The following GPR143 variants were observed in gnomAD, a reference collection of about 807,000 sequenced individuals.
GPR143 encodes G protein-coupled receptor 143, also known as G-protein coupled receptor 143.
Under a neutral mutation model 27.6 loss-of-function variants are expected in GPR143, and 8 were observed. The observed-to-expected ratio is 0.29, with a 90% confidence interval of 0.17 to 0.52. The LOEUF (loss-of-function observed/expected upper bound fraction) is 0.52, where lower values mean the gene tolerates loss of function less well. Among genes scored for constraint, GPR143 ranks in the 20% least tolerant of loss-of-function variants. The pLI is 0.96. For synonymous variants in GPR143, 156 were observed against 153.2 expected (o/e 1.02, Z -0.13); for missense variants, 303 against 343.1 (o/e 0.88, Z 0.92).
intron 8 of GPR143, among the ~76,000 whole-genome samples, chrX:9,730,568 G>A (rs1435469498): frequency 8.9e-6 from 1 of 111,939 alleles, no homozygotes; most frequent in African/African-American, 3.3e-5. Context: ...GTGGAATAAT[G>A]TCCAATTCTT....
At chrX:9,755,591 C>T (rs770995757) in intron 3 of GPR143, among the ~76,000 whole-genome samples, 82 of 111,000 alleles carry the variant, frequency 7.4e-4, no homozygotes, top group African/African-American at 2.5e-3. Context: ...GGAACACAGG[C>T]CTCTATTGCA....
At chrX:9,757,937 T>A (rs1251502800) in intron 3 of GPR143, among the ~76,000 whole-genome samples, 1 of 110,589 alleles carries the variant, frequency 9.0e-6, no homozygotes, top group Non-Finnish European at 1.9e-5. Context: ...ATCTTTTTTT[T>A]ATTTTTTGTA....
intron 8 of GPR143, 91 bp from the exon 9 acceptor site, chrX:9,725,931 G>T: frequency 1.1e-6 from 1 of 930,692 alleles, no homozygotes; most frequent in Non-Finnish European, 1.4e-6. Context: ...AGTGCATGGA[G>T]TTTTTCATGG....
intron 1 of GPR143, among the ~76,000 whole-genome samples, chrX:9,774,655 C>T (rs765455722): frequency 1.8e-5 from 2 of 111,764 alleles, no homozygotes; most frequent in African/African-American, 6.5e-5. Flanking sequence ...CTCTAGGTAG[C>T]ATCTGCTGCC....
intron 8 of GPR143, among the ~76,000 whole-genome samples, chrX:9,737,626 C>T: frequency 8.9e-6 from 1 of 111,788 alleles, no homozygotes; most frequent in Non-Finnish European, 1.9e-5. Flanking sequence ...CATGTTCTGA[C>T]TTAGATAGTG....
At chrX:9,778,013 C>T (rs1465190865) in intron 1 of GPR143, among the ~76,000 whole-genome samples, 3 of 110,526 alleles carry the variant, frequency 2.7e-5, no homozygotes, top group African/African-American at 9.9e-5. Context: ...ATGGCATGAA[C>T]CTGGGAGGCG....
At chrX:9,754,631 C>G (rs1452153154) in intron 3 of GPR143, among the ~76,000 whole-genome samples, 1 of 111,306 alleles carries the variant, frequency 9.0e-6, no homozygotes, top group Admixed American at 9.6e-5. Context: ...CTTCTGATCA[C>G]TGAGCTCCAA....
rs1569117594 is a variant in GPR143 at position 9,739,513 on chromosome X, A to G, written c.1092T>C (p.Ser364=). The G allele has an allele frequency of 8.3e-7, 1 of 1,207,211 alleles. No homozygotes were observed. The highest frequency in any genetic ancestry group is 2.2e-5 in the Admixed American group (1 of 45,794). The change falls in exon 8 of 9, where the codon TCT becomes TCC. Residue 364 remains serine, a synonymous_variant. Coordinates refer to ENST00000467482, the MANE Select transcript of GPR143 (RefSeq NM_000273.3). ...CAGACAGCATGCTCAGGGCTTCGTC[A>G]GAAGTCTGCCCACCCACTTGAGACA... ...GKVSQVGGQT[S]DEALSMLSEG... is the part of the protein sequence containing the mutation.
intron 7 of GPR143, chrX:9,740,752 T>C: frequency 3.6e-6 from 1 of 280,789 alleles, no homozygotes; most frequent in Non-Finnish European, 6.1e-6. Context: ...TTTCTTTCTT[T>C]CTTTTTTTTT....
At chrX:9,735,833 G>T (rs1454360522) in intron 8 of GPR143, among the ~76,000 whole-genome samples, 1 of 112,205 alleles carries the variant, frequency 8.9e-6, no homozygotes, top group Non-Finnish European at 1.9e-5. Flanking sequence ...TACATAGGGA[G>T]AAGCCCATGG....
chrX:9,752,975 A>C (rs1449176789), intron 3 of GPR143, among the ~76,000 whole-genome samples: 1 of 111,578 alleles, frequency 9.0e-6, no homozygotes, highest in East Asian at 2.8e-4. Flanking sequence ...GGGTCACAGA[A>C]GCCTCTGTGG....
chrX:9,751,273 G>A (rs766234892), intron 3 of GPR143, among the ~76,000 whole-genome samples: 1 of 112,471 alleles, frequency 8.9e-6, no homozygotes, highest in East Asian at 2.8e-4. Context: ...ACAAGGCTGG[G>A]CTTGCCCTGG....
At position 9,734,683 on chromosome X, in the gene GPR143, C is replaced by A. The variant is rs754941293; in HGVS notation, c.1120+4802G>T. Reference sequence around the variant, plus strand: ...AGCACACTCGTCTTCCAGGAAAGATCTATACTCCTGCTCCCATCAGAAATG... The same window carrying A: ...AGCACACTCGTCTTCCAGGAAAGATATATACTCCTGCTCCCATCAGAAATG... On this transcript the variant is annotated intron_variant, in intron 8 of 8. Transcript: ENST00000467482. 6.2e-4 allele frequency among the ~76,000 whole-genome samples: 70 copies of A among 112,194 alleles called. No individual in the cohort carries two copies. The Middle Eastern group carries it at 0.014, about 22-fold the overall frequency.
rs766780297 is a variant in GPR143, at chrX:9,765,626, C to T, written c.192G>A (p.Pro64=). Residue 64 remains proline (P), a synonymous_variant, in exon 1 of 9, where the codon CCG becomes CCA. Transcript: ENST00000467482. ...PAGPGSPATS[P]PASVRILRAA... ...CGCGCAGGATGCGGACCGAGGCCGG[C>T]GGGGACGTCGCGGGGGACCCGGGGC... 49 of 989,329 alleles carry T rather than the reference C, an allele frequency of 5.0e-5. No individual in the cohort carries two copies. In the Admixed American group the frequency reaches 5.8e-4, roughly 12 times the overall value. 81.5% of individuals were successfully genotyped at this position (989,329 alleles called of 1,213,427 possible).
chrX:9,740,352 A>G (rs2083397599), intron 7 of GPR143, among the ~76,000 whole-genome samples: 1 of 112,695 alleles, frequency 8.9e-6, no homozygotes, highest in Admixed American at 9.3e-5. Flanking sequence ...TCCATTTGAA[A>G]GTCTTTGTAA....
chrX:9,762,638 C>T (rs1044810265), intron 1 of GPR143, among the ~76,000 whole-genome samples: 1 of 111,715 alleles, frequency 9.0e-6, no homozygotes, highest in Non-Finnish European at 1.9e-5. Context: ...CTATGTAATA[C>T]ACTACTAAAC....
At chrX:9,734,095 A>AG (rs1555913613) in intron 8 of GPR143, among the ~76,000 whole-genome samples, 5 of 108,515 alleles carry the variant, frequency 4.6e-5, no homozygotes, top group African/African-American at 1.7e-4. Flanking sequence ...AAAAAAAAAA[A>AG]AAGAAGAAGA....
intron 8 of GPR143, chrX:9,738,661 G>A (rs1186271091): frequency 9.5e-6 from 2 of 210,397 alleles, no homozygotes; most frequent in Non-Finnish European, 1.4e-5. Context: ...CTTCACTCTT[G>A]TTGCCCCAGC....
At chrX:9,741,166 C>T (rs2083402149) in intron 7 of GPR143, 172 bp downstream of exon 7, 1 of 387,071 alleles carries the variant, frequency 2.6e-6, no homozygotes, top group Non-Finnish European at 4.5e-6. Context: ...CACCTGTAGT[C>T]CCAGTTACTC....
Sources: allele counts gnomAD v4.1 joint callset (sites outside exome capture counted in the v4.1 genomes callset), GRCh38; gene constraint gnomAD v4.1.1; transcripts MANE v1.5; gene names NCBI Gene and HGNC (gene_info 2026-07-23, HGNC 2026-07-21).